NTN1: variants seen among roughly 807,000 people sequenced by gnomAD.
NTN1 encodes the protein netrin 1, also known as netrin-1.
Under a neutral mutation model 54.2 loss-of-function variants are expected in NTN1, and 11 were observed. That is an observed-to-expected ratio of 0.20 (90% CI 0.13 to 0.34). The LOEUF (loss-of-function observed/expected upper bound fraction) is 0.34. Ranked by LOEUF, NTN1 falls within the 10% of genes least tolerant of loss-of-function variation. NTN1 has a pLI of 1.00. For synonymous variants in NTN1, 371 were observed against 382.0 expected, an observed-to-expected ratio of 0.97 and a Z score of 0.33; for missense variants, 740 against 893.1, an observed-to-expected ratio of 0.83 and a Z score of 2.18.
chr17:9,138,778 C>A (rs1004817879), intron 2 of NTN1, among the ~76,000 whole-genome samples: 5 of 152,004 alleles, frequency 3.3e-5, no homozygotes, highest in Non-Finnish European at 7.4e-5. Flanking sequence ...GATTGGTGAA[C>A]CTGGGACCTG....
chr17:9,204,144 A>G (rs948704322), intron 5 of NTN1, among the ~76,000 whole-genome samples: 1 of 150,358 alleles, frequency 6.7e-6, no homozygotes, highest in African/African-American at 2.5e-5. Context: ...GAATGGCAAC[A>G]GGAGTGCAAG....
chr17:9,191,227 G>A (rs1032933834), intron 5 of NTN1, among the ~76,000 whole-genome samples: 1 of 152,008 alleles, frequency 6.6e-6, no homozygotes, highest in Admixed American at 6.5e-5. Flanking sequence ...TTGGGAGGCC[G>A]AGGCAGGCGG....
At chr17:9,103,350 A>T (rs569864170) in intron 2 of NTN1, among the ~76,000 whole-genome samples, 27 of 152,260 alleles carry the variant, frequency 1.8e-4, no homozygotes, top group South Asian at 1.7e-3. Context: ...CCCAAGTTTC[A>T]TCTTGAATTG....
the NTN1 span, among the ~76,000 whole-genome samples, chr17:9,016,048 T>C: frequency 6.6e-6 from 1 of 151,642 alleles, no homozygotes; most frequent in Non-Finnish European, 1.5e-5. Context: ...CACTCCAGCC[T>C]GGGCGACAAG....
chr17:9,212,712 T>C lies in NTN1; in HGVS notation c.1412-8456T>C, dbSNP rs1338170052. Among the ~76,000 whole-genome samples the C allele has an allele frequency of 5.9e-5, 9 of 152,160 alleles. No individual in the cohort carries two copies. The highest frequency in any genetic ancestry group is 5.9e-4 in the Admixed American group (9 of 15,284). ...TTCTCTGCCCGGGGAGGACAGACCATGTTGGCTGGGTGTCCCTCACTCATT... is the reference window on the plus strand; with the variant it reads ...TTCTCTGCCCGGGGAGGACAGACCACGTTGGCTGGGTGTCCCTCACTCATT... On this transcript the variant is annotated intron_variant, in intron 5 of 6. Coordinates refer to ENST00000173229, the MANE Select transcript of NTN1 (RefSeq NM_004822.3). This position sits in a 1 kb window ranked among gnomAD's most constrained non-coding sequence, Gnocchi z 5.5.
rs1436870570 is a variant in NTN1 at position 9,212,818 on chromosome 17, G to T, written c.1412-8350G>T. 5.3e-5 allele frequency among the ~76,000 whole-genome samples: 8 copies of T among 152,234 alleles called. No homozygotes were observed. The highest frequency in any genetic ancestry group is 5.2e-4 in the Admixed American group (8 of 15,290). On this transcript the variant is annotated intron_variant, in intron 5 of 6. Transcript: ENST00000173229. The surrounding 1 kb of genome is among the most constrained non-coding windows in gnomAD (Gnocchi z 5.5). ...TGTTGCGAGCGAGTGGGCCAGGGCT[G>T]CTGAGAGCGAGACCTTTGCCAGCTC...
intron 6 of NTN1, among the ~76,000 whole-genome samples, chr17:9,228,949 ACT>A (rs10551761): frequency 0.81 from 121,338 of 150,534 alleles, 48,935 homozygotes; most frequent in African/African-American, 0.87. Context: ...TGGCTGTGTG[ACT>A]CTGCGTGTGT....
rs1356087145 is a variant in NTN1 at position 9,240,020 on chromosome 17, A to G, written c.*52A>G. 8.6e-7 allele frequency: 1 copy of G among 1,166,758 alleles called. No individual in the cohort carries two copies. Among genetic ancestry groups the G allele is most frequent in the African/African-American group, 1.8e-5 (1 of 56,624 alleles). The allele number at this position is 1,166,758 out of a possible 1,614,324, so 72.3% of individuals were successfully genotyped here. A position where few individuals can be genotyped will look rare whatever the true frequency, so the allele number is the denominator to read the frequency against. On this transcript the variant is annotated 3_prime_UTR_variant, in exon 7 of 7. Transcript: ENST00000173229. ...GCGGGCGCCAGGGCGGGGCCGAGCG[A>G]GAGCGGGCGCCTTGGCCCGGCCGCC...
At chr17:9,036,968 C>G (rs1312270017) in intron 2 of NTN1, among the ~76,000 whole-genome samples, 1 of 152,206 alleles carries the variant, frequency 6.6e-6, no homozygotes, top group Non-Finnish European at 1.5e-5. Flanking sequence ...GGGGTGGGGA[C>G]ATGGGACTCT....
intron 6 of NTN1, among the ~76,000 whole-genome samples, chr17:9,223,171 C>G (rs1261362484): frequency 6.6e-6 from 1 of 152,154 alleles, no homozygotes; most frequent in African/African-American, 2.4e-5. Context: ...GAAAATAAAC[C>G]TAGATTTAGA....
chr17:9,165,000 G>A (rs2092369841), intron 3 of NTN1, among the ~76,000 whole-genome samples: 1 of 152,174 alleles, frequency 6.6e-6, no homozygotes, highest in Non-Finnish European at 1.5e-5. Flanking sequence ...CAGAGTGTTT[G>A]TTGTCTCTCT....
the NTN1 span, among the ~76,000 whole-genome samples, chr17:9,009,116 G>T: frequency 6.6e-6 from 1 of 152,192 alleles, no homozygotes. Context: ...CATTCCCTCT[G>T]CCTGAATGTA....
intron 6 of NTN1, among the ~76,000 whole-genome samples, chr17:9,235,973 G>A (rs1287900142): frequency 1.3e-5 from 2 of 152,104 alleles, no homozygotes; most frequent in East Asian, 1.9e-4. Context: ...AAAGTGCTGG[G>A]ATTACAGGCG....
At chr17:9,008,569 C>T in the NTN1 span, among the ~76,000 whole-genome samples, 1 of 152,118 alleles carries the variant, frequency 6.6e-6, no homozygotes, top group East Asian at 1.9e-4. Flanking sequence ...ATGATTGGCC[C>T]ACCTCAGCCT....
At chr17:9,104,751 G>C (rs1157702442) in intron 2 of NTN1, among the ~76,000 whole-genome samples, 1 of 152,158 alleles carries the variant, frequency 6.6e-6, no homozygotes, top group African/African-American at 2.4e-5. Flanking sequence ...CAGCTTTCCC[G>C]TCAGGTCCTG....
intron 3 of NTN1, among the ~76,000 whole-genome samples, chr17:9,168,644 G>A (rs2142304784): frequency 6.6e-6 from 1 of 152,324 alleles, no homozygotes; most frequent in Middle Eastern, 3.4e-3. Flanking sequence ...TTGCACGTGT[G>A]TGTGTGAATA....
At chr17:9,035,107 C>T (rs997105976) in intron 2 of NTN1, among the ~76,000 whole-genome samples, 63 of 152,016 alleles carry the variant, frequency 4.1e-4, no homozygotes, top group Non-Finnish European at 6.5e-4. Context: ...CCACCACACC[C>T]GGCTAATTTT....
chr17:9,198,278 T>C (rs1238973862), intron 5 of NTN1, among the ~76,000 whole-genome samples: 2 of 152,196 alleles, frequency 1.3e-5, no homozygotes, highest in East Asian at 3.8e-4. Context: ...AGTTGTCATA[T>C]TTACAGGCAA....
At chr17:9,038,265 C>CACACACA (rs55982115) in intron 2 of NTN1, among the ~76,000 whole-genome samples, 3 of 144,074 alleles carry the variant, frequency 2.1e-5, no homozygotes, top group Non-Finnish European at 3.0e-5. Context: ...TTCTCTCTCT[C>CACACACA]CACACACACA....
Sources: allele counts gnomAD v4.1 joint callset (sites outside exome capture counted in the v4.1 genomes callset), GRCh38; gene constraint gnomAD v4.1.1; non-coding constraint Gnocchi (gnomAD v3.1); transcripts MANE v1.5; gene names NCBI Gene and HGNC (gene_info 2026-07-23, HGNC 2026-07-21).